GFM1: variants seen among roughly 807,000 people sequenced by gnomAD.
The protein encoded by GFM1 is G elongation factor mitochondrial 1, also known as elongation factor G, mitochondrial.
Under a neutral mutation model 96.2 loss-of-function variants are expected in GFM1, and 62 were observed. The ratio of observed to expected loss-of-function variants is 0.64; its 90% CI spans 0.53 to 0.80. The LOEUF (loss-of-function observed/expected upper bound fraction) is 0.80. Ranked by LOEUF, GFM1 falls within the 30% of genes least tolerant of loss-of-function variation. The pLI is 0.00. For synonymous variants in GFM1, 282 were observed against 312.9 expected (o/e 0.90, Z 1.04); for missense variants, 852 against 916.6 (o/e 0.93, Z 0.91).
intron 13 of GFM1, among the ~76,000 whole-genome samples, chr3:158,671,467 T>C (rs919397169): frequency 6.6e-6 from 1 of 152,240 alleles, no homozygotes; most frequent in African/African-American, 2.4e-5. Context: ...AATTGGAGAC[T>C]TAATACAATT....
At chr3:158,659,219 T>C in intron 9 of GFM1, 160 bp downstream of exon 9, 2 of 825,612 alleles carry the variant, frequency 2.4e-6, no homozygotes, top group Non-Finnish European at 3.7e-6. Flanking sequence ...AGCACTTTGC[T>C]ATAGGATAAA....
chr3:158,666,384 C>G lies in GFM1; in HGVS notation c.1599C>G (p.Val533=), dbSNP rs754926909. Reference sequence around the variant, plus strand: ...TTCGAGAGACCATTACTGCCCCTGTCCCGTAAGTATGCAACGTAATTAAAC... The same window carrying G: ...TTCGAGAGACCATTACTGCCCCTGTGCCGTAAGTATGCAACGTAATTAAAC... ...VAFRETITAP[V]PFDFTHKKQS... is the part of the protein sequence containing the mutation. The change falls in exon 13 of 18, where the codon GTC becomes GTG. Residue 533 remains valine, a splice_region_variant and synonymous_variant. Coordinates refer to ENST00000486715, the MANE Select transcript of GFM1 (RefSeq NM_024996.7). 1.9e-6 allele frequency: 3 copies of G among 1,611,810 alleles called. No homozygotes were observed. Among genetic ancestry groups the G allele is most frequent in the East Asian group, 2.2e-5 (1 of 44,872 alleles).
In GFM1 at chr3:158,693,616, A is replaced by G; in HGVS notation, c.*2149A>G. ...ATACCAACCAAAGTCTGTAGCATGG[A>G]AAAAAATTAATGAGAATATTCATAG... On this transcript the variant is annotated 3_prime_UTR_variant, in exon 18 of 18. Transcript: ENST00000486715. 6.6e-6 allele frequency: 1 copy of G among 152,310 alleles called. No individual in the cohort carries two copies. Among genetic ancestry groups the G allele is most frequent in the Non-Finnish European group, 1.5e-5 (1 of 68,022 alleles). The allele number at this position is 152,310 out of a possible 1,614,324, so 9.4% of individuals were successfully genotyped here.
intron 13 of GFM1, among the ~76,000 whole-genome samples, chr3:158,681,792 A>G (rs1364673737): frequency 1.3e-5 from 2 of 152,182 alleles, no homozygotes; most frequent in African/African-American, 2.4e-5. Context: ...TACCTTGGGT[A>G]GTATACCCCA....
At chr3:158,691,104 A>G in intron 16 of GFM1, 35 bp from the exon 17 acceptor site, 1 of 1,402,654 alleles carries the variant, frequency 7.1e-7, no homozygotes, top group Non-Finnish European at 1.0e-6. Flanking sequence ...TTTTCCAATA[A>G]GCAGTGCTAA....
In GFM1 at chr3:158,653,327, T is replaced by A. The variant is rs1722449309; in HGVS notation, c.858T>A (p.Ala286=). The A allele has an allele frequency of 6.2e-7, 1 of 1,613,218 alleles. No individual in the cohort carries two copies. Among genetic ancestry groups the A allele is most frequent in the Non-Finnish European group, 8.5e-7 (1 of 1,179,500 alleles). ...ISDLKLAIRR[A]TLKRSFTPVF... ...TTTTGTAGCTAGCAATTCGAAGAGC[T>A]ACTCTGAAAAGATCATTTACTCCTG... Residue 286 remains alanine, a synonymous_variant, in exon 7 of 18, where the codon GCT becomes GCA. Transcript: ENST00000486715.
chr3:158,662,259 T>C (rs1723256083), intron 10 of GFM1, among the ~76,000 whole-genome samples: 1 of 151,896 alleles, frequency 6.6e-6, no homozygotes, highest in Admixed American at 6.6e-5. Context: ...TTATCAGTAA[T>C]TGTATTATAT....
intron 13 of GFM1, among the ~76,000 whole-genome samples, chr3:158,675,888 GA>G (rs1341908975): frequency 6.6e-6 from 1 of 152,158 alleles, no homozygotes; most frequent in Admixed American, 6.5e-5. Flanking sequence ...AAATGATTAT[GA>G]ATTAACACAA....
In GFM1 at chr3:158,682,115, C is replaced by T. The variant is rs751810377; in HGVS notation, c.1722C>T (p.Phe574=). Residue 574 remains phenylalanine (F), a synonymous_variant, in exon 14 of 18, where the codon TTC becomes TTT. Coordinates refer to ENST00000486715, the MANE Select transcript of GFM1 (RefSeq NM_024996.7). ...AATTGGAATTTTCAGATGAAACATTCGGATCAAATATTCCAAAGCAGTTTG... is the reference window on the plus strand; with the variant it reads ...AATTGGAATTTTCAGATGAAACATTTGGATCAAATATTCCAAAGCAGTTTG... ...YTKLEFSDET[F]GSNIPKQFVP... 18 of 1,613,604 alleles carry T rather than the reference C, an allele frequency of 1.1e-5. No homozygotes were observed. The highest frequency in any genetic ancestry group is 1.7e-4 in the Middle Eastern group (1 of 6,060).
At chr3:158,655,819 C>A (rs545892119) in intron 8 of GFM1, 1 of 453,586 alleles carries the variant, frequency 2.2e-6, no homozygotes, top group South Asian at 1.6e-5. Context: ...TGTCTAGGTC[C>A]TTTTTCCGTC....
chr3:158,675,119 T>G, intron 13 of GFM1, among the ~76,000 whole-genome samples: 1 of 151,988 alleles, frequency 6.6e-6, no homozygotes, highest in East Asian at 1.9e-4. Flanking sequence ...AAACCCCGTC[T>G]CTACTTAAAA....
At position 158,644,529 on chromosome 3, in the gene GFM1, T is replaced by C; in HGVS notation, c.-106T>C. 1 of 849,840 alleles carries C rather than the reference T, an allele frequency of 1.2e-6. No individual in the cohort carries two copies. The highest frequency in any genetic ancestry group is 1.9e-6 in the Non-Finnish European group (1 of 517,368). 52.6% of individuals were successfully genotyped at this position (849,840 alleles called of 1,614,324 possible). On this transcript the variant is annotated 5_prime_UTR_variant, in exon 1 of 18. Transcript: ENST00000486715. Reference sequence around the variant, plus strand: ...CTCGCGTCCTTTGCCCCGGAAGTGCTCTTACAACATTGGCTGCCGGCGTGA... The same window carrying C: ...CTCGCGTCCTTTGCCCCGGAAGTGCCCTTACAACATTGGCTGCCGGCGTGA...
In GFM1 at chr3:158,695,551, A is replaced by T. The variant is rs1411816395; in HGVS notation, c.*4084A>T. On this transcript the variant is annotated 3_prime_UTR_variant, in exon 18 of 18. Transcript: ENST00000486715. ...CCTCATAATCTATTGTACTGTAATAAATCTGCTAAAAGGTTACCTTAGAAA... is the reference window on the plus strand; with the variant it reads ...CCTCATAATCTATTGTACTGTAATATATCTGCTAAAAGGTTACCTTAGAAA... The T allele has an allele frequency of 6.6e-6, 1 of 152,202 alleles. No homozygotes were observed. The highest frequency in any genetic ancestry group is 1.9e-4 in the East Asian group (1 of 5,196). 9.4% of individuals were successfully genotyped at this position (152,202 alleles called of 1,614,324 possible).
Position 158,652,091 on chromosome 3 carries a change from C to G in GFM1, c.690-5C>G, listed in dbSNP as rs201685981. The G allele has an allele frequency of 1.3e-3, 2,074 of 1,613,612 alleles. 5 individuals carry two copies. Among genetic ancestry groups the G allele is most frequent in the Non-Finnish European group, 1.4e-3 (1,677 of 1,179,616 alleles). ...CTTAAAGCACCAAAATATTTGCTTT[C>G]TTAGTCAGATTGTTCGATATGGTGA... On this transcript the variant is annotated splice_polypyrimidine_tract_variant and splice_region_variant and intron_variant, in intron 5 of 17. Coordinates refer to ENST00000486715, the MANE Select transcript of GFM1 (RefSeq NM_024996.7).
At chr3:158,662,328 C>T (rs962057013) in intron 10 of GFM1, among the ~76,000 whole-genome samples, 1 of 152,128 alleles carries the variant, frequency 6.6e-6, no homozygotes, top group Non-Finnish European at 1.5e-5. Flanking sequence ...AAGAATTTCA[C>T]ATCTCAGTAT....
At chr3:158,650,037 G>C in intron 5 of GFM1, 1 of 1,536,030 alleles carries the variant, frequency 6.5e-7, no homozygotes, top group South Asian at 1.2e-5. Context: ...CCTCTGCTAT[G>C]GAATTGGGAT....
At chr3:158,689,161 T>C (rs1367933477) in intron 15 of GFM1, among the ~76,000 whole-genome samples, 3 of 152,236 alleles carry the variant, frequency 2.0e-5, no homozygotes, top group Non-Finnish European at 4.4e-5. Context: ...ATTCTCTCCA[T>C]ATTGTTACAT....
intron 15 of GFM1, among the ~76,000 whole-genome samples, chr3:158,685,780 CAAAG>C (rs1454645363): frequency 2.0e-5 from 3 of 152,068 alleles, no homozygotes; most frequent in African/African-American, 4.8e-5. Flanking sequence ...AGTAAAATGA[CAAAG>C]AAAATGAGAC....
rs79460263 is a variant in GFM1, at chr3:158,677,669, T to C, written c.1602-4326T>C. Among the ~76,000 whole-genome samples the C allele has an allele frequency of 1.1e-3, 170 of 152,080 alleles. No homozygotes were observed. In the East Asian group the frequency reaches 0.032, roughly 28 times the overall value. ...ACAGGCATCTGCCACCATGCCCGAC[T>C]AAGTTTTGTATTTTTAGTAGAAACA... On this transcript the variant is annotated intron_variant, in intron 13 of 17. Coordinates refer to ENST00000486715, the MANE Select transcript of GFM1 (RefSeq NM_024996.7).
Sources: gnomAD v4.1 joint callset for allele counts (sites outside exome capture counted in the v4.1 genomes callset) on GRCh38, gnomAD v4.1.1 for gene constraint, MANE v1.5 for transcripts, NCBI Gene and HGNC (gene_info 2026-07-23, HGNC 2026-07-21) for gene names.